HEATR4: variants seen among roughly 807,000 people sequenced by gnomAD.
HEATR4 encodes the protein HEAT repeat-containing protein 4.
In HEATR4, 95 loss-of-function variants were observed where a neutral mutation model predicts 108.8. The ratio of observed to expected loss-of-function variants is 0.87; its 90% CI spans 0.74 to 1.04. The LOEUF (loss-of-function observed/expected upper bound fraction) is 1.04. HEATR4 is among the 50% of genes least tolerant of loss of function. The pLI is 0.00. For synonymous variants in HEATR4, 443 were observed against 459.4 expected (o/e 0.96, Z 0.46); for missense variants, 1,152 against 1,253.8 (o/e 0.92, Z 1.23).
In HEATR4 at chr14:73,519,080, A is replaced by G; in HGVS notation, c.1153T>C (p.Ser385Pro). The G allele has an allele frequency of 6.2e-7, 1 of 1,614,050 alleles. No individual in the cohort carries two copies. Among genetic ancestry groups the G allele is most frequent in the South Asian group, 1.1e-5 (1 of 91,076 alleles). The change falls in exon 5 of 18, where the codon TCT becomes CCT. Residue 385 changes from serine (S) to proline (P), a missense_variant. Ser to Pro is a moderately conservative substitution (Grantham distance 74). Coordinates refer to ENST00000553558, the MANE Select transcript of HEATR4 (RefSeq NM_001220484.1). ...ENLNRYNKQLSKVFPETPEKW... is the reference protein window; with the variant it reads ...ENLNRYNKQLPKVFPETPEKW... ...TCTGGAGTTTCAGGGAAGACCTTAG[A>G]TAGCTGCTTGTTGTACCGATTTAGG... is the stretch of plus-strand genomic sequence containing the variant.
chr14:73,612,728 C>T, the HEATR4 span: 10 of 1,369,982 alleles, frequency 7.3e-6, 1 homozygote, highest in Non-Finnish European at 9.4e-6. Flanking sequence ...CGCGCGCTAC[C>T]GTGCCGACGC....
chr14:73,615,423 A>AC, the HEATR4 span, among the ~76,000 whole-genome samples: 21 of 141,950 alleles, frequency 1.5e-4, no homozygotes, highest in Non-Finnish European at 2.6e-4. Flanking sequence ...AACAAAAAAA[A>AC]CCAGCAACAA....
the HEATR4 span, chr14:73,616,768 G>A: frequency 9.1e-6 from 4 of 437,486 alleles, no homozygotes; most frequent in Non-Finnish European, 1.6e-5. Flanking sequence ...ACTGTACAGT[G>A]ATGAACGCTG....
the HEATR4 span, among the ~76,000 whole-genome samples, chr14:73,625,305 G>A: frequency 4.0e-5 from 6 of 151,896 alleles, no homozygotes; most frequent in Non-Finnish European, 7.4e-5. Flanking sequence ...TGATCCACCC[G>A]CCTTGGCCTC....
intron 7 of HEATR4, 124 bp from the exon 8 acceptor site, chr14:73,509,597 T>A (rs1191420737): frequency 7.0e-5 from 63 of 906,132 alleles, no homozygotes; most frequent in Admixed American, 1.9e-4. Flanking sequence ...TGCTATGTAA[T>A]ATAATTACAG....
Position 73,478,616 on chromosome 14 carries a change from G to A in HEATR4, c.3071C>T (p.Ala1024Val). 1 of 1,606,690 alleles carries A rather than the reference G, an allele frequency of 6.2e-7. No homozygotes were observed. The highest frequency in any genetic ancestry group is 8.5e-7 in the Non-Finnish European group (1 of 1,173,288). ...AGACAAGTGTTCAGCTTAGAGATGA[G>A]CACCTTTCTTTCCAGAGGGAGAAGA... ...IMSSPSGKKG[A>V]HL The change falls in exon 18 of 18, where the codon GCT (alanine) becomes GTT (valine). Residue 1024 changes from alanine (A) to valine (V), a missense_variant. Physicochemically the swap from Ala to Val is moderately conservative, Grantham distance 64. Transcript: ENST00000553558.
intron 2 of HEATR4, among the ~76,000 whole-genome samples, chr14:73,523,948 A>G (rs1888133511): frequency 6.6e-6 from 1 of 152,096 alleles, no homozygotes; most frequent in African/African-American, 2.4e-5. Flanking sequence ...TCTGTCTTTC[A>G]GAGTCATCCA....
chr14:73,500,767 A>C (rs751966817), intron 11 of HEATR4, 37 bp from the exon 12 acceptor site: 14 of 1,594,746 alleles, frequency 8.8e-6, no homozygotes, highest in Non-Finnish European at 1.2e-5. Context: ...CACCTCCTTA[A>C]ACTTTCAGTA....
chr14:73,602,326 T>C, the HEATR4 span, among the ~76,000 whole-genome samples: 17 of 152,312 alleles, frequency 1.1e-4, no homozygotes, highest in African/African-American at 3.8e-4. Context: ...TGATTTATCA[T>C]GAATGCAGGA....
chr14:73,577,393 A>C, the HEATR4 span, among the ~76,000 whole-genome samples: 1 of 136,892 alleles, frequency 7.3e-6, no homozygotes, highest in African/African-American at 2.8e-5. Context: ...CAAGAATGCC[A>C]GTGCTGGGCA....
chr14:73,587,547 G>T, the HEATR4 span, among the ~76,000 whole-genome samples: 2 of 152,084 alleles, frequency 1.3e-5, no homozygotes, highest in African/African-American at 4.8e-5. Flanking sequence ...GTAAAGACGG[G>T]GTTTTGCCAC....
chr14:73,572,136 T>C, the HEATR4 span, among the ~76,000 whole-genome samples: 1 of 106,402 alleles, frequency 9.4e-6, no homozygotes, highest in Non-Finnish European at 1.8e-5. Flanking sequence ...GTTATTCTAC[T>C]TGTACATGTG....
At chr14:73,560,043 G>T (rs1310549240), upstream of HEATR4, among the ~76,000 whole-genome samples, 1 of 152,036 alleles carries the variant, frequency 6.6e-6, no homozygotes, top group African/African-American at 2.4e-5. Flanking sequence ...CTTTTACAAG[G>T]AGACTCTTCA....
chr14:73,580,680 AT>A, the HEATR4 span: 1 of 152,166 alleles, frequency 6.6e-6, no homozygotes, highest in African/African-American at 2.4e-5. Context: ...GGCTAGAGAT[AT>A]CTGGTCCATA....
intron 1 of HEATR4, among the ~76,000 whole-genome samples, chr14:73,558,513 A>ATTTTTT (rs66706377): frequency 2.7e-5 from 2 of 73,528 alleles, no homozygotes; most frequent in South Asian, 5.8e-4. Context: ...TCTCGGTTAA[A>ATTTTTT]TTTTTTTTTT....
chr14:73,576,172 T>C, the HEATR4 span, among the ~76,000 whole-genome samples: 1 of 151,178 alleles, frequency 6.6e-6, no homozygotes, highest in South Asian at 2.1e-4. Flanking sequence ...GCCTCAAAAA[T>C]TAATTAATTA....
the HEATR4 span, chr14:73,582,795 A>G: frequency 2.0e-5 from 3 of 152,118 alleles, no homozygotes; most frequent in African/African-American, 7.2e-5. Context: ...CCCTACTGCC[A>G]GTCTCTGCTG....
the HEATR4 span, among the ~76,000 whole-genome samples, chr14:73,621,656 T>TG: frequency 3.3e-5 from 5 of 152,204 alleles, no homozygotes; most frequent in Admixed American, 6.5e-5. Flanking sequence ...CCATTAGATC[T>TG]TAACAATGAA....
chr14:73,513,824 A>C (rs750282443), intron 6 of HEATR4, among the ~76,000 whole-genome samples: 1 of 150,548 alleles, frequency 6.6e-6, no homozygotes, highest in Non-Finnish European at 1.5e-5. Context: ...AGTAATACCC[A>C]TCCATGCAAA....
Sources: allele counts gnomAD v4.1 joint callset (sites outside exome capture counted in the v4.1 genomes callset), GRCh38; gene constraint gnomAD v4.1.1; transcripts MANE v1.5; gene names NCBI Gene and HGNC (gene_info 2026-07-23, HGNC 2026-07-21).